ASH1L: variants seen among roughly 807,000 people sequenced by gnomAD.
ASH1L encodes histone-lysine N-methyltransferase ASH1L.
A neutral mutation model predicts 269.0 loss-of-function variants in ASH1L; 23 were observed. The observed-to-expected ratio is 0.09, with a 90% CI of 0.06 to 0.12. ASH1L has a LOEUF of 0.12. Ranked by LOEUF, ASH1L falls within the 10% of genes least tolerant of loss-of-function variation. ASH1L has a pLI of 1.00. For missense variants in ASH1L, 2,912 were observed against 3,567.8 expected, an observed-to-expected ratio of 0.82 and a Z score of 4.68; for synonymous variants, 1,187 against 1,253.5, an observed-to-expected ratio of 0.95 and a Z score of 1.12.
intron 5 of ASH1L, among the ~76,000 whole-genome samples, chr1:155,426,559 C>T (rs1169794702): frequency 6.6e-6 from 1 of 152,104 alleles, no homozygotes; most frequent in Non-Finnish European, 1.5e-5. Context: ...AGGATAGTCT[C>T]GAACTTCTGA....
At chr1:155,341,093 T>G (rs1652753375) in intron 25 of ASH1L, among the ~76,000 whole-genome samples, 1 of 152,006 alleles carries the variant, frequency 6.6e-6, no homozygotes, top group African/African-American at 2.4e-5. Flanking sequence ...TGCCTCAGTC[T>G]CCTGAGTAGC....
chr1:155,376,704 A>C (rs1656480588), intron 10 of ASH1L, among the ~76,000 whole-genome samples: 1 of 148,876 alleles, frequency 6.7e-6, no homozygotes, highest in Non-Finnish European at 1.5e-5. Flanking sequence ...AAAATACAAA[A>C]ATTAGCCAGG....
chr1:155,390,707 G>A (rs1045070122), intron 7 of ASH1L, among the ~76,000 whole-genome samples: 4 of 147,238 alleles, frequency 2.7e-5, no homozygotes, highest in South Asian at 4.3e-4. Context: ...GTGCAGTGGC[G>A]TGATCTCGGC....
At chr1:155,485,327 T>C (rs1666269090) in intron 2 of ASH1L, among the ~76,000 whole-genome samples, 1 of 151,734 alleles carries the variant, frequency 6.6e-6, no homozygotes, top group East Asian at 1.9e-4. Flanking sequence ...TTATTTTTAT[T>C]TTTTTTTAAG....
chr1:155,352,762 G>A lies in ASH1L; in HGVS notation c.7310C>T (p.Ala2437Val), dbSNP rs751965544. Residue 2437 changes from alanine to valine, a missense_variant, in exon 17 of 28, where the codon GCA becomes GTA. Ala to Val is a moderately conservative substitution (Grantham distance 64). This residue lies in a region of ASH1L where 309 missense variants were observed against 435.1 expected (regional missense o/e 0.71). Coordinates refer to ENST00000392403, the MANE Select transcript of ASH1L (RefSeq NM_018489.3). ...AAEENIEVAR[A>V]ARLAQIFKEI... ...TTTGAAGATCTGGGCTAGGCGGGCT[G>A]CCCGAGCCACTTCAATATTTTCCTC... is the stretch of plus-strand genomic sequence containing the variant. 17 of 1,613,992 alleles carry A rather than the reference G, an allele frequency of 1.1e-5. No homozygotes were observed. The South Asian group carries it at 1.9e-4, about 18-fold the overall frequency.
intron 6 of ASH1L, 138 bp from the exon 7 acceptor site, chr1:155,395,691 A>C (rs117793715): frequency 2.0e-5 from 11 of 544,274 alleles, no homozygotes; most frequent in East Asian, 2.0e-4. Context: ...TTTACTTCTG[A>C]AACTGTCCTT....
intron 2 of ASH1L, among the ~76,000 whole-genome samples, chr1:155,484,933 AAAAAAAAAAAC>A (rs1446035039): frequency 1.0e-4 from 14 of 136,088 alleles, no homozygotes; most frequent in Non-Finnish European, 1.5e-4. Context: ...TGTCTCAAAA[AAAAAAAAAAAC>A]AAAAACAAAA....
chr1:155,393,411 T>C (rs1288286309), intron 7 of ASH1L, among the ~76,000 whole-genome samples: 3 of 152,138 alleles, frequency 2.0e-5, no homozygotes, highest in East Asian at 1.9e-4. Flanking sequence ...CTACAAGACA[T>C]AGGATCAACA....
intron 5 of ASH1L, among the ~76,000 whole-genome samples, chr1:155,427,687 C>T (rs548570921): frequency 1.3e-5 from 2 of 152,298 alleles, no homozygotes; most frequent in South Asian, 2.1e-4. Flanking sequence ...GATCCACCCA[C>T]CTCGGCCTCC....
At position 155,438,736 on chromosome 1, in the gene ASH1L, C is replaced by A. The variant is rs1405630409; in HGVS notation, c.5419G>T (p.Ala1807Ser). ...RSVVEAMQRQARKMCNYDKIL... is the reference protein window; with the variant it reads ...RSVVEAMQRQSRKMCNYDKIL... ...TTGTCGTAATTGCACATTTTCCGAG[C>A]TTGGCGTTGCATAGCTTCCACTACA... The change falls in exon 5 of 28, where the codon GCT becomes TCT. Residue 1807 changes from alanine to serine, a missense_variant. Transcript: ENST00000392403. 6.2e-7 allele frequency: 1 copy of A among 1,614,048 alleles called. No individual in the cohort carries two copies. Among genetic ancestry groups the A allele is most frequent in the Non-Finnish European group, 8.5e-7 (1 of 1,180,006 alleles).
At chr1:155,434,066 G>C (rs1266101358) in intron 5 of ASH1L, 2 of 1,591,732 alleles carry the variant, frequency 1.3e-6, no homozygotes, top group Non-Finnish European at 1.7e-6. Flanking sequence ...TGCATAACGA[G>C]AGGATTTTGA....
intron 10 of ASH1L, among the ~76,000 whole-genome samples, chr1:155,371,501 T>G (rs1260512933): frequency 6.6e-6 from 1 of 152,084 alleles, no homozygotes; most frequent in East Asian, 1.9e-4. Context: ...TAAGCAGAGA[T>G]CGCACCACTG....
At chr1:155,385,528 C>T (rs1227599307) in intron 7 of ASH1L, among the ~76,000 whole-genome samples, 1 of 152,096 alleles carries the variant, frequency 6.6e-6, no homozygotes, top group Non-Finnish European at 1.5e-5. Flanking sequence ...TTCACAATTG[C>T]TCACTAAGGC....
intron 5 of ASH1L, among the ~76,000 whole-genome samples, chr1:155,434,619 G>A (rs761985172): frequency 3.3e-5 from 5 of 151,978 alleles, no homozygotes; most frequent in African/African-American, 7.2e-5. Context: ...TCGGGAGGCC[G>A]AGGCGGGAGG....
At chr1:155,534,336 T>C (rs568355464) in intron 1 of ASH1L, among the ~76,000 whole-genome samples, 6 of 146,582 alleles carry the variant, frequency 4.1e-5, no homozygotes, top group Admixed American at 7.0e-5. Flanking sequence ...ATACCAGTCA[T>C]ATCAGCATAC....
chr1:155,436,089 T>C (rs1387861552), intron 5 of ASH1L, among the ~76,000 whole-genome samples: 1 of 152,196 alleles, frequency 6.6e-6, no homozygotes, highest in African/African-American at 2.4e-5. Flanking sequence ...GTTTATTGCC[T>C]GTGGCTTTGT....
At chr1:155,359,890 T>TC (rs1407394558) in intron 13 of ASH1L, among the ~76,000 whole-genome samples, 1 of 148,172 alleles carries the variant, frequency 6.7e-6, no homozygotes, top group East Asian at 2.0e-4. Flanking sequence ...CCCATATACT[T>TC]TTTTTTTTTT....
At chr1:155,519,210 G>A (rs187347952) in intron 2 of ASH1L, among the ~76,000 whole-genome samples, 9 of 152,200 alleles carry the variant, frequency 5.9e-5, no homozygotes, top group Admixed American at 3.3e-4. Context: ...AGAGGTGGGC[G>A]GATCACCTGA....
chr1:155,387,461 C>G (rs1175622306), intron 7 of ASH1L, among the ~76,000 whole-genome samples: 2 of 152,090 alleles, frequency 1.3e-5, no homozygotes, highest in African/African-American at 4.8e-5. Context: ...AGTCTTATTT[C>G]TGGGTTCTCT....
Sources: gnomAD v4.1 joint callset for allele counts (sites outside exome capture counted in the v4.1 genomes callset) on GRCh38, gnomAD v4.1.1 for gene constraint, gnomAD v4.1.1 regional missense constraint, MANE v1.5 for transcripts, NCBI Gene and HGNC (gene_info 2026-07-23, HGNC 2026-07-21) for gene names.